Variants in DPP6 observed in about 807,000 individuals in gnomAD.
DPP6 encodes the protein dipeptidyl peptidase like 6.
A neutral mutation model predicts 122.6 loss-of-function variants in DPP6; 69 were observed. The observed-to-expected ratio is 0.56, with a 90% confidence interval of 0.46 to 0.69. DPP6 has a LOEUF of 0.69. Among genes scored for constraint, DPP6 ranks in the 30% least tolerant of loss-of-function variants. The pLI, the probability that DPP6 is intolerant of heterozygous loss-of-function variation, is 0.00. For missense variants in DPP6, 928 were observed against 1,116.9 expected (o/e 0.83, Z 2.41); for synonymous variants, 418 against 433.1 (o/e 0.97, Z 0.43).
At position 154,805,275 on chromosome 7, in the gene DPP6, G is replaced by A. The variant is rs2280661; in HGVS notation, c.1547+311G>A. Among the ~76,000 whole-genome samples the A allele has an allele frequency of 0.57, 87,219 of 152,036 alleles. 25,522 individuals are homozygous for A. Among genetic ancestry groups the A allele is most frequent in the African/African-American group, 0.69 (28,708 of 41,476 alleles). ...TTTCACTTCTATTCAATGTCACCTCGGAGGAATTCTGCCCCCCCTGCCCCA... is the reference window on the plus strand; with the variant it reads ...TTTCACTTCTATTCAATGTCACCTCAGAGGAATTCTGCCCCCCCTGCCCCA... On this transcript the variant is annotated intron_variant, in intron 15 of 25. Transcript: ENST00000377770.
chr7:153,855,450 C>A, the DPP6 span, among the ~76,000 whole-genome samples: 21 of 152,216 alleles, frequency 1.4e-4, no homozygotes, highest in African/African-American at 4.6e-4. Flanking sequence ...TAATCCACTG[C>A]GTGAACTTTG....
At chr7:154,489,201 C>T (rs966716558) in intron 3 of DPP6, among the ~76,000 whole-genome samples, 1 of 152,148 alleles carries the variant, frequency 6.6e-6, no homozygotes, top group Non-Finnish European at 1.5e-5. Flanking sequence ...TTTTCCGTAG[C>T]CCCCATTGCC....
intron 17 of DPP6, among the ~76,000 whole-genome samples, chr7:154,864,904 G>A (rs776691193): frequency 2.0e-5 from 3 of 152,182 alleles, no homozygotes; most frequent in African/African-American, 7.2e-5. Flanking sequence ...CCTGTGTTCC[G>A]TTAGCTCTAG....
At chr7:153,757,514 G>T in the DPP6 span, among the ~76,000 whole-genome samples, 71,263 of 151,326 alleles carry the variant, frequency 0.47, 16,358 homozygotes, top group East Asian at 0.67. Context: ...CAGTAGACTC[G>T]ATCTTAGCAT....
rs748914942 is a variant in DPP6 at position 154,727,754 on chromosome 7, CT to C, written c.763-10del. On this transcript the variant is annotated splice_polypyrimidine_tract_variant and intron_variant, in intron 7 of 25. Transcript: ENST00000377770. ...CTTGCTTAATATTATGCTTTTTTCT[CT>C]TTCCAAATTAGATATTTATTTTTGA... The C allele has an allele frequency of 3.1e-6, 5 of 1,598,920 alleles. No homozygotes were observed. In the East Asian group the frequency reaches 1.1e-4, roughly 36 times the overall value.
intron 5 of DPP6, among the ~76,000 whole-genome samples, chr7:154,570,418 T>G (rs941284250): frequency 6.6e-6 from 1 of 151,980 alleles, no homozygotes; most frequent in African/African-American, 2.4e-5. Flanking sequence ...GGGACAGGTC[T>G]TTTTATCTCC....
At chr7:154,431,456 CTTTTCTTTTCTT>C (rs1307290456) in intron 1 of DPP6, among the ~76,000 whole-genome samples, 9 of 8,752 alleles carry the variant, frequency 1.0e-3, no homozygotes, top group African/African-American at 5.1e-3. Flanking sequence ...CTTTTCTTTT[CTTTTCTTTTCTT>C]TTCTTTTCTT....
At chr7:153,786,740 G>GAAAAAAAAAAAAAA in the DPP6 span, among the ~76,000 whole-genome samples, 3 of 31,806 alleles carry the variant, frequency 9.4e-5, no homozygotes, top group East Asian at 8.7e-4. Flanking sequence ...CTCCGTCTCA[G>GAAAAAAAAAAAAAA]AAAAAAAAAA....
intron 1 of DPP6, among the ~76,000 whole-genome samples, chr7:154,304,866 C>A (rs1208207286): frequency 6.6e-6 from 1 of 152,224 alleles, no homozygotes; most frequent in South Asian, 2.1e-4. Flanking sequence ...CCACCTCTGC[C>A]CCCTGTCCAG....
Position 154,746,991 on chromosome 7 carries a change from G to T in DPP6, c.883+19104G>T, listed in dbSNP as rs564380859. 5.3e-5 allele frequency among the ~76,000 whole-genome samples: 8 copies of T among 152,270 alleles called. 1 individual carries two copies. Among genetic ancestry groups the T allele is most frequent in the African/African-American group, 1.9e-4 (8 of 41,552 alleles). On this transcript the variant is annotated intron_variant, in intron 8 of 25. Transcript: ENST00000377770. ...AGGGCTGAGGGGACCATTCGTAGCTGATAATATCAGTTACAATCATGCAGG... is the reference window on the plus strand; with the variant it reads ...AGGGCTGAGGGGACCATTCGTAGCTTATAATATCAGTTACAATCATGCAGG...
intron 1 of DPP6, chr7:154,058,880 C>G (rs1801214534): frequency 6.7e-6 from 1 of 149,400 alleles, no homozygotes; most frequent in African/African-American, 2.5e-5. Context: ...GGAGGCACCC[C>G]CTACGAGAGT....
chr7:153,844,079 T>G, the DPP6 span, among the ~76,000 whole-genome samples: 2 of 152,162 alleles, frequency 1.3e-5, no homozygotes, highest in Non-Finnish European at 2.9e-5. Flanking sequence ...CTTGGTGATG[T>G]GAAACCTCCC....
At chr7:154,395,338 C>T (rs286830) in intron 1 of DPP6, among the ~76,000 whole-genome samples, 19,066 of 152,108 alleles carry the variant, frequency 0.13, 1,315 homozygotes, top group South Asian at 0.17. Context: ...CATATTGTAG[C>T]GGGTAGCATT....
intron 2 of DPP6, among the ~76,000 whole-genome samples, chr7:154,456,250 C>A (rs1820817904): frequency 6.6e-6 from 1 of 152,208 alleles, no homozygotes; most frequent in South Asian, 2.1e-4. Flanking sequence ...CCATTGATCA[C>A]TTCTGCAGAA....
chr7:154,842,140 G>A (rs555910011), intron 16 of DPP6, among the ~76,000 whole-genome samples: 3 of 152,196 alleles, frequency 2.0e-5, no homozygotes, highest in Admixed American at 6.5e-5. Flanking sequence ...TGTTCGCAGC[G>A]GGCCATGCCA....
chr7:154,154,794 C>T (rs62487209), intron 1 of DPP6, among the ~76,000 whole-genome samples: 10,996 of 152,316 alleles, frequency 0.072, 472 homozygotes, highest in Middle Eastern at 0.14. Flanking sequence ...TACACACACA[C>T]ATGCATGCAC....
At chr7:154,656,938 CAT>C (rs1279810389) in intron 6 of DPP6, among the ~76,000 whole-genome samples, 2 of 49,718 alleles carry the variant, frequency 4.0e-5, no homozygotes, top group East Asian at 5.3e-4. Flanking sequence ...AGGAGGTGCT[CAT>C]GGGTGGGTGG....
At chr7:153,966,554 C>CTTTTTTT (rs753840054) in intron 1 of DPP6, among the ~76,000 whole-genome samples, 9 of 41,362 alleles carry the variant, frequency 2.2e-4, no homozygotes, top group Non-Finnish European at 3.0e-4. Flanking sequence ...CCTGTGTTGG[C>CTTTTTTT]TTTTTTTTTT....
chr7:154,680,258 A>G (rs1839199490), intron 7 of DPP6, among the ~76,000 whole-genome samples: 1 of 152,238 alleles, frequency 6.6e-6, no homozygotes, highest in Admixed American at 6.5e-5. Context: ...ATTTATTTAT[A>G]AAACAATATG....
Sources: gnomAD v4.1 joint callset for allele counts (sites outside exome capture counted in the v4.1 genomes callset) on GRCh38, gnomAD v4.1.1 for gene constraint, MANE v1.5 for transcripts, NCBI Gene and HGNC (gene_info 2026-07-23, HGNC 2026-07-21) for gene names.